TLL1: variants seen among roughly 807,000 people sequenced by gnomAD.
TLL1 encodes tolloid-like protein 1.
A neutral mutation model predicts 128.2 loss-of-function variants in TLL1; 49 were observed. That is an observed-to-expected ratio of 0.38 (90% CI 0.30 to 0.48). The LOEUF is 0.48. Ranked by LOEUF, TLL1 falls within the 20% of genes least tolerant of loss-of-function variation. The pLI is 0.96. For synonymous variants in TLL1, 454 were observed against 418.8 expected (o/e 1.08, Z -1.03); for missense variants, 1,123 against 1,242.0 (o/e 0.90, Z 1.44).
chr4:165,956,745 G>A (rs1734817851), intron 1 of TLL1, among the ~76,000 whole-genome samples: 1 of 152,068 alleles, frequency 6.6e-6, no homozygotes, highest in Non-Finnish European at 1.5e-5. Flanking sequence ...TCAGGGTTAA[G>A]AGATTAAAGT....
chr4:165,940,476 C>T (rs533481624), intron 1 of TLL1, among the ~76,000 whole-genome samples: 17 of 151,858 alleles, frequency 1.1e-4, no homozygotes, highest in East Asian at 1.9e-4. Flanking sequence ...AAAATACATA[C>T]GTGTATTTAT....
intron 1 of TLL1, among the ~76,000 whole-genome samples, chr4:165,883,668 A>G (rs139180899): frequency 1.3e-5 from 2 of 152,298 alleles, no homozygotes; most frequent in East Asian, 3.9e-4. Flanking sequence ...AATCACAACT[A>G]CTTATTTGTG....
At chr4:165,933,739 G>A (rs974263301) in intron 1 of TLL1, among the ~76,000 whole-genome samples, 1 of 152,094 alleles carries the variant, frequency 6.6e-6, no homozygotes, top group African/African-American at 2.4e-5. Flanking sequence ...CCACCTCAGA[G>A]CAGGTCCGCT....
At chr4:166,057,807 C>T (rs187996832) in intron 14 of TLL1, among the ~76,000 whole-genome samples, 7 of 152,012 alleles carry the variant, frequency 4.6e-5, no homozygotes, top group African/African-American at 1.4e-4. Flanking sequence ...TTCTCACTAT[C>T]GTGAGAACAG....
rs191082221 is a variant in TLL1 at position 165,897,857 on chromosome 4, A to G, written c.169+23784A>G. Among the ~76,000 whole-genome samples, 168 of 152,106 alleles carry G rather than the reference A, an allele frequency of 1.1e-3. 1 individual carries two copies. Among genetic ancestry groups the G allele is most frequent in the African/African-American group, 3.8e-3 (156 of 41,510 alleles). On this transcript the variant is annotated intron_variant, in intron 1 of 20. Transcript: ENST00000061240. ...TTCATGATGTTGATTTTTCCTACCC[A>G]TGAGCATGGAATGTTTTTCCATTTG...
At position 166,059,714 on chromosome 4, in the gene TLL1, C is replaced by G. The variant is rs548872226; in HGVS notation, c.1847-314C>G. Among the ~76,000 whole-genome samples the G allele has an allele frequency of 4.6e-5, 7 of 152,114 alleles. No individual in the cohort carries two copies. In the South Asian group the frequency reaches 1.5e-3, roughly 32 times the overall value. ...ACTACAAGATATTATTAGACCAACT[C>G]TAAAGATAAGAAAACTGAGACCTAG... On this transcript the variant is annotated intron_variant, in intron 14 of 20. Coordinates refer to ENST00000061240, the MANE Select transcript of TLL1 (RefSeq NM_012464.5).
chr4:165,882,555 T>G (rs1731007621), intron 1 of TLL1, among the ~76,000 whole-genome samples: 1 of 151,890 alleles, frequency 6.6e-6, no homozygotes, highest in Non-Finnish European at 1.5e-5. Context: ...AATAATTGGG[T>G]TTTGGTATCT....
At chr4:166,032,246 G>A (rs910821179) in intron 9 of TLL1, among the ~76,000 whole-genome samples, 2 of 152,088 alleles carry the variant, frequency 1.3e-5, no homozygotes, top group African/African-American at 4.8e-5. Flanking sequence ...GAACCGAAAT[G>A]TAAAAGTGTA....
intron 1 of TLL1, among the ~76,000 whole-genome samples, chr4:165,889,714 T>C (rs978653328): frequency 6.6e-6 from 1 of 152,236 alleles, no homozygotes; most frequent in African/African-American, 2.4e-5. Context: ...TAGGTGATAC[T>C]TATTGCATTC....
intron 5 of TLL1, among the ~76,000 whole-genome samples, chr4:166,001,783 A>G (rs957943063): frequency 2.2e-5 from 3 of 133,534 alleles, no homozygotes; most frequent in Non-Finnish European, 3.2e-5. Context: ...TGACAAAGCA[A>G]AACTCCATCT....
At chr4:165,990,710 G>T (rs1736600278) in intron 2 of TLL1, among the ~76,000 whole-genome samples, 1 of 151,794 alleles carries the variant, frequency 6.6e-6, no homozygotes, top group Admixed American at 6.6e-5. Context: ...TAAGAATAAG[G>T]ATATTATTCT....
chr4:165,915,219 C>A (rs1489266671), intron 1 of TLL1, among the ~76,000 whole-genome samples: 1 of 151,936 alleles, frequency 6.6e-6, no homozygotes, highest in Non-Finnish European at 1.5e-5. Context: ...TTTTGAAGTT[C>A]TAGAAAATTC....
At chr4:165,952,675 T>C (rs774534598) in intron 1 of TLL1, among the ~76,000 whole-genome samples, 34 of 152,138 alleles carry the variant, frequency 2.2e-4, no homozygotes, top group Non-Finnish European at 4.1e-4. Flanking sequence ...CAGTTATTGT[T>C]TTCATGATTC....
rs188490593 is a variant in TLL1 at position 166,052,963 on chromosome 4, G to A, written c.1525-2113G>A. 4.2e-3 allele frequency among the ~76,000 whole-genome samples: 199 copies of A among 47,480 alleles called. 8 individuals carry two copies. Among genetic ancestry groups the A allele is most frequent in the African/African-American group, 0.029 (191 of 6,692 alleles). 31.1% of individuals were successfully genotyped at this position (47,480 alleles called of 152,430 possible). A position where few individuals can be genotyped will look rare whatever the true frequency, so the allele number is the denominator to read the frequency against. ...ATTAAAGACTGAGATAAGAGGTTAT[G>A]TGTATATATATATATATATTTGGCC... is the stretch of plus-strand genomic sequence containing the variant. On this transcript the variant is annotated intron_variant, in intron 12 of 20. Transcript: ENST00000061240.
At chr4:165,911,848 A>T (rs1732545469) in intron 1 of TLL1, among the ~76,000 whole-genome samples, 1 of 152,078 alleles carries the variant, frequency 6.6e-6, no homozygotes, top group African/African-American at 2.4e-5. Flanking sequence ...GCTACAGGAA[A>T]AATTAAGTCA....
At chr4:166,079,314 A>G (rs1159327873) in intron 18 of TLL1, among the ~76,000 whole-genome samples, 2 of 152,026 alleles carry the variant, frequency 1.3e-5, no homozygotes, top group East Asian at 1.9e-4. Flanking sequence ...TCTCAATCCA[A>G]ATTTTTTTTG....
intron 7 of TLL1, among the ~76,000 whole-genome samples, chr4:166,013,591 C>T (rs978842790): frequency 1.6e-4 from 25 of 151,678 alleles, no homozygotes; most frequent in Non-Finnish European, 1.5e-5. Flanking sequence ...ACAACTCATA[C>T]TTCTCAAACC....
rs79281157 is a variant in TLL1 at position 165,980,133 on chromosome 4, C to T, written c.170-9248C>T. On this transcript the variant is annotated intron_variant, in intron 1 of 20. Transcript: ENST00000061240. The stretch of plus-strand genomic sequence containing the variant: ...GCTCCATGTTTAACAAGCACTCTTC[C>T]GAGCATGGTTTTTCTTCACATGTTT... Among the ~76,000 whole-genome samples the T allele has an allele frequency of 1.1e-3, 162 of 152,156 alleles. 1 individual carries two copies. Among genetic ancestry groups the T allele is most frequent in the African/African-American group, 3.8e-3 (157 of 41,488 alleles).
At chr4:165,972,220 T>C (rs963526372) in intron 1 of TLL1, among the ~76,000 whole-genome samples, 12 of 152,306 alleles carry the variant, frequency 7.9e-5, no homozygotes, top group African/African-American at 2.9e-4. Context: ...GGGACAAGAC[T>C]CAATCTATTA....
Sources: allele counts gnomAD v4.1 joint callset (sites outside exome capture counted in the v4.1 genomes callset), GRCh38; gene constraint gnomAD v4.1.1; transcripts MANE v1.5; gene names NCBI Gene and HGNC (gene_info 2026-07-23, HGNC 2026-07-21).